FRMPD4: variants seen among roughly 807,000 people sequenced by gnomAD.
The protein encoded by FRMPD4 is FERM and PDZ domain containing 4, also known as FERM and PDZ domain-containing protein 4.
Under a neutral mutation model 94.1 loss-of-function variants are expected in FRMPD4, and 22 were observed. That is an observed-to-expected ratio of 0.23 (90% confidence interval 0.17 to 0.33). The LOEUF (loss-of-function observed/expected upper bound fraction) is 0.33. FRMPD4 is among the 10% of genes least tolerant of loss of function. The pLI is 1.00. For missense variants in FRMPD4, 1,111 were observed against 1,339.9 expected, an observed-to-expected ratio of 0.83 and a Z score of 2.67; for synonymous variants, 631 against 548.6, an observed-to-expected ratio of 1.15 and a Z score of -2.10.
chrX:12,226,025 C>G (rs937478048), intron 1 of FRMPD4, among the ~76,000 whole-genome samples: 24 of 111,720 alleles, frequency 2.1e-4, no homozygotes, highest in South Asian at 3.8e-4. Flanking sequence ...GTGCCTGGCA[C>G]AAGAACCCAA....
intron 3 of FRMPD4, among the ~76,000 whole-genome samples, chrX:11,942,693 T>C (rs771417226): frequency 1.2e-4 from 14 of 112,335 alleles, no homozygotes; most frequent in Admixed American, 1.2e-3. Flanking sequence ...ACAAGATCAA[T>C]TTTTTATTGT....
At chrX:12,693,558 T>C (rs2060098380) in intron 8 of FRMPD4, among the ~76,000 whole-genome samples, 1 of 111,755 alleles carries the variant, frequency 8.9e-6, no homozygotes, top group African/African-American at 3.3e-5. Flanking sequence ...AAGTTTGGAG[T>C]AGTTTGAATA....
intron 3 of FRMPD4, among the ~76,000 whole-genome samples, chrX:12,092,222 G>A (rs916200642): frequency 1.8e-5 from 2 of 111,341 alleles, no homozygotes; most frequent in African/African-American, 6.5e-5. Context: ...TTCACATTCT[G>A]GACAGCCTCC....
chrX:11,928,342 C>T (rs1032361732), intron 3 of FRMPD4, among the ~76,000 whole-genome samples: 1 of 111,993 alleles, frequency 8.9e-6, no homozygotes, highest in Admixed American at 9.5e-5. Flanking sequence ...GAAAGGGAAG[C>T]AAGCATGTCC....
chrX:11,982,547 G>A (rs2054402754), intron 3 of FRMPD4, among the ~76,000 whole-genome samples: 1 of 110,391 alleles, frequency 9.1e-6, no homozygotes, highest in Non-Finnish European at 1.9e-5. Context: ...CTGATTAGAC[G>A]AATAAAACCA....
In FRMPD4 at chrX:12,505,419, C is replaced by T. The variant is rs183047157; in HGVS notation, c.158+6623C>T. 2.6e-3 allele frequency among the ~76,000 whole-genome samples: 290 copies of T among 110,960 alleles called. 2 individuals carry two copies. Among genetic ancestry groups the T allele is most frequent in the African/African-American group, 9.0e-3 (275 of 30,496 alleles). ...GCAGGTGCCTTTTCAGTATTGTCTG[C>T]ACTCCAGCATAAAAGAAGGAGAGCA... On this transcript the variant is annotated intron_variant, in intron 2 of 16. Coordinates refer to ENST00000675598, the MANE Select transcript of FRMPD4 (RefSeq NM_001368397.1).
In FRMPD4 at chrX:12,386,617, C is replaced by T. The variant is rs185417256; in HGVS notation, c.42-112063C>T. 2.4e-4 allele frequency among the ~76,000 whole-genome samples: 27 copies of T among 111,545 alleles called. 1 individual carries two copies. The highest frequency in any genetic ancestry group is 2.2e-3 in the Admixed American group (23 of 10,460). On this transcript the variant is annotated intron_variant, in intron 1 of 16. Transcript: ENST00000675598. ...GCTCCTCTGCTTGTTTTACCGTAGC[C>T]GACTTATCATCATCTTTGCATGAAA...
intron 1 of FRMPD4, among the ~76,000 whole-genome samples, chrX:12,231,578 C>T (rs1024896025): frequency 1.8e-5 from 2 of 111,276 alleles, no homozygotes; most frequent in Non-Finnish European, 3.8e-5. Flanking sequence ...CAGACACTCA[C>T]TTGCACGGAA....
chrX:12,647,374 G>A (rs1284402990), intron 4 of FRMPD4, among the ~76,000 whole-genome samples: 1 of 112,048 alleles, frequency 8.9e-6, no homozygotes, highest in East Asian at 2.8e-4. Flanking sequence ...GGAGTTCCAG[G>A]ATCAGTGTAG....
chrX:12,321,552 G>T (rs779479856), intron 1 of FRMPD4, among the ~76,000 whole-genome samples: 1 of 112,213 alleles, frequency 8.9e-6, no homozygotes, highest in Non-Finnish European at 1.9e-5. Flanking sequence ...TTTAAAGTAG[G>T]CTAAGCTAAG....
chrX:12,388,407 C>G (rs918131866), intron 1 of FRMPD4, among the ~76,000 whole-genome samples: 8 of 110,503 alleles, frequency 7.2e-5, no homozygotes, highest in African/African-American at 2.6e-4. Context: ...GAGTTCGAGA[C>G]CAGCCTGGCC....
intron 3 of FRMPD4, among the ~76,000 whole-genome samples, chrX:11,899,483 T>A (rs751228562): frequency 9.9e-5 from 11 of 111,020 alleles, no homozygotes; most frequent in Non-Finnish European, 1.7e-4. Context: ...AGTGACATCT[T>A]TCTCTTTCCT....
chrX:12,651,717 C>T (rs766956126), intron 4 of FRMPD4, among the ~76,000 whole-genome samples: 6 of 111,352 alleles, frequency 5.4e-5, no homozygotes, highest in African/African-American at 9.8e-5. Context: ...AGAGCACTGC[C>T]GGACTGCTGA....
At chrX:12,227,674 G>C (rs977617287) in intron 1 of FRMPD4, among the ~76,000 whole-genome samples, 1 of 111,262 alleles carries the variant, frequency 9.0e-6, no homozygotes, top group East Asian at 2.8e-4. Flanking sequence ...GATGGCATGT[G>C]CCTGTGGTCC....
At chrX:12,166,880 G>C (rs1251294310) in intron 1 of FRMPD4, among the ~76,000 whole-genome samples, 8 of 111,356 alleles carry the variant, frequency 7.2e-5, no homozygotes, top group Non-Finnish European at 1.3e-4. Context: ...TTGTATTTCT[G>C]TGGGATCAGT....
At chrX:12,310,158 T>C (rs1426052623) in intron 1 of FRMPD4, among the ~76,000 whole-genome samples, 1 of 108,945 alleles carries the variant, frequency 9.2e-6, no homozygotes, top group Non-Finnish European at 1.9e-5. Context: ...AGCCGTTTTA[T>C]AGGATTTGGG....
At position 11,843,301 on chromosome X, in the gene FRMPD4, A is replaced by G. The variant is rs746252568; in HGVS notation, c.-161+20586A>G. On this transcript the variant is annotated intron_variant, in intron 1 of 18. Transcript: ENST00000640291. ...TTTGGCCGCTTCTCTGTAGTCTGGA[A>G]GAGTTTGTGAAGGTTTAATGCTATT... Among the ~76,000 whole-genome samples the G allele has an allele frequency of 3.6e-5, 4 of 111,102 alleles. No homozygotes were observed. In the South Asian group the frequency reaches 1.1e-3, roughly 32 times the overall value.
Position 12,158,766 on chromosome X carries a change from C to T in FRMPD4, c.41+19754C>T, listed in dbSNP as rs912775473. 9.8e-5 allele frequency among the ~76,000 whole-genome samples: 11 copies of T among 111,981 alleles called. No homozygotes were observed. The East Asian group carries it at 3.1e-3, about 31-fold the overall frequency. The stretch of plus-strand genomic sequence containing the variant: ...ATCCATTCTACTGCTTATGTTAAAC[C>T]GAGTTGCTCTGATCATTCTCATGCC... On this transcript the variant is annotated intron_variant, in intron 1 of 16. Coordinates refer to ENST00000675598, the MANE Select transcript of FRMPD4 (RefSeq NM_001368397.1).
intron 16 of FRMPD4, 76 bp downstream of exon 16, chrX:12,718,866 A>G: frequency 1.6e-6 from 1 of 641,731 alleles, no homozygotes; most frequent in East Asian, 3.2e-5. Flanking sequence ...AAACTTAAAA[A>G]CGTAATGTCT....
Sources: gnomAD v4.1 joint callset for allele counts (sites outside exome capture counted in the v4.1 genomes callset) on GRCh38, gnomAD v4.1.1 for gene constraint, MANE v1.5 for transcripts, NCBI Gene and HGNC (gene_info 2026-07-23, HGNC 2026-07-21) for gene names.